Variants in TFB1M observed in about 807,000 individuals in gnomAD.
The protein encoded by TFB1M is transcription factor B1, mitochondrial.
In TFB1M, 27 loss-of-function variants were observed where a neutral mutation model predicts 31.1. The ratio of observed to expected loss-of-function variants is 0.87; its 90% CI spans 0.64 to 1.20. The LOEUF (loss-of-function observed/expected upper bound fraction) is 1.20. TFB1M is among the 50% of genes most tolerant of loss of function. The pLI is 0.00. For synonymous variants in TFB1M, 166 were observed against 151.8 expected, an observed-to-expected ratio of 1.09 and a Z score of -0.69; for missense variants, 394 against 418.7, an observed-to-expected ratio of 0.94 and a Z score of 0.51.
At chr6:155,259,501 A>G in intron 6 of TFB1M, among the ~76,000 whole-genome samples, 1 of 152,260 alleles carries the variant, frequency 6.6e-6, no homozygotes, top group East Asian at 1.9e-4. Flanking sequence ...CATATGCTAA[A>G]GGGACACTTC....
At position 155,256,239 on chromosome 6, in the gene TFB1M, T is replaced by G. The variant is rs1410397549; in HGVS notation, c.*1597A>C. 6 of 606,248 alleles carry G rather than the reference T, an allele frequency of 9.9e-6. No individual in the cohort carries two copies. Among genetic ancestry groups the G allele is most frequent in the South Asian group, 2.1e-5 (1 of 48,674 alleles). The allele number at this position is 606,248 out of a possible 1,614,324, so 37.6% of individuals were successfully genotyped here. A position where few individuals can be genotyped will look rare whatever the true frequency, so the allele number is the denominator to read the frequency against. On this transcript the variant is annotated 3_prime_UTR_variant, in exon 7 of 7. Transcript: ENST00000367166. ...TAGTAGTTTCTAGTGTCTAGTTCTATTTACATAATTGAGCTCTGGTAATCT... is the reference window on the plus strand; with the variant it reads ...TAGTAGTTTCTAGTGTCTAGTTCTAGTTACATAATTGAGCTCTGGTAATCT...
chr6:155,272,860 T>C (rs1784997240), intron 5 of TFB1M, among the ~76,000 whole-genome samples: 1 of 152,194 alleles, frequency 6.6e-6, no homozygotes, highest in South Asian at 2.1e-4. Context: ...GAACAAACTG[T>C]CTTCATGTCT....
Position 155,311,305 on chromosome 6 carries a change from A to G in TFB1M, c.168T>C (p.Asn56=), listed in dbSNP as rs1354525657. The G allele has an allele frequency of 2.5e-6, 4 of 1,613,940 alleles. No individual in the cohort carries two copies. Among genetic ancestry groups the G allele is most frequent in the Non-Finnish European group, 3.4e-6 (4 of 1,179,942 alleles). The change falls in exon 2 of 7, where the codon AAT becomes AAC. Residue 56 remains asparagine (N), a synonymous_variant. Coordinates refer to ENST00000367166, the MANE Select transcript of TFB1M (RefSeq NM_016020.4). Reference sequence around the variant, plus strand: ...CAGGGCCCACTTCGTAAACATAAGCATTTGTCAGATTGCCAGCTTTCCTTA... The same window carrying G: ...CAGGGCCCACTTCGTAAACATAAGCGTTTGTCAGATTGCCAGCTTTCCTTA... The part of the protein sequence containing the change: ...KIVRKAGNLT[N]AYVYEVGPGP...
chr6:155,301,888 T>TC (rs1276295921), intron 2 of TFB1M, among the ~76,000 whole-genome samples: 3 of 151,516 alleles, frequency 2.0e-5, no homozygotes, highest in Non-Finnish European at 4.4e-5. Flanking sequence ...CAAGAGATAA[T>TC]TTTTTTTTCC....
intron 5 of TFB1M, among the ~76,000 whole-genome samples, chr6:155,281,914 C>A (rs553053426): frequency 6.6e-6 from 1 of 151,714 alleles, no homozygotes; most frequent in Admixed American, 6.6e-5. Context: ...AAAGATTAAG[C>A]GTGGAACCCC....
At chr6:155,269,916 G>C (rs1784844926) in intron 5 of TFB1M, among the ~76,000 whole-genome samples, 1 of 152,224 alleles carries the variant, frequency 6.6e-6, no homozygotes, top group African/African-American at 2.4e-5. Context: ...TATGTGCCAG[G>C]CACTGATCCT....
downstream of TFB1M, chr6:155,254,708 C>T (rs966695310): frequency 1.3e-5 from 15 of 1,113,478 alleles, no homozygotes; most frequent in East Asian, 5.1e-5. Context: ...TTTAAGAAAC[C>T]TAAACATGCC....
chr6:155,278,115 T>C (rs1285028149), intron 5 of TFB1M, among the ~76,000 whole-genome samples: 1 of 152,192 alleles, frequency 6.6e-6, no homozygotes, highest in Non-Finnish European at 1.5e-5. Context: ...ATAAATGATG[T>C]GGAGTCTCTC....
At chr6:155,276,501 C>A in intron 5 of TFB1M, 3 of 886,242 alleles carry the variant, frequency 3.4e-6, no homozygotes, top group East Asian at 2.6e-5. Context: ...AATACTTTAA[C>A]AACTACAAAG....
chr6:155,295,272 A>C (rs1259854661), intron 4 of TFB1M, among the ~76,000 whole-genome samples: 1 of 152,030 alleles, frequency 6.6e-6, no homozygotes, highest in African/African-American at 2.4e-5. Context: ...AGGCTGAGGC[A>C]GGAGAATGGC....
chr6:155,250,397 AT>A, the TFB1M span: 1 of 578,674 alleles, frequency 1.7e-6, no homozygotes, highest in South Asian at 3.5e-5. Context: ...TTTTTATCTG[AT>A]TGCTTAATTT....
chr6:155,230,337 C>T, the TFB1M span, among the ~76,000 whole-genome samples: 1 of 152,212 alleles, frequency 6.6e-6, no homozygotes, highest in Non-Finnish European at 1.5e-5. Flanking sequence ...GCCTTCAATT[C>T]CTGACACACT....
the TFB1M span, chr6:155,244,922 C>T: frequency 1.8e-6 from 2 of 1,106,150 alleles, no homozygotes; most frequent in Non-Finnish European, 2.4e-6. Context: ...TTTCCTTGCA[C>T]CGTTTTCCTC....
In TFB1M at chr6:155,257,067, A is replaced by G. The variant is rs1784098163; in HGVS notation, c.*769T>C. ...GAGAATTCAGTGTCCAGAGTTTAAC[A>G]TCTGTTGTCAGTGAGGAGTGTTTTT... On this transcript the variant is annotated 3_prime_UTR_variant, in exon 7 of 7. Coordinates refer to ENST00000367166, the MANE Select transcript of TFB1M (RefSeq NM_016020.4). 1.2e-6 allele frequency: 2 copies of G among 1,614,100 alleles called. No individual in the cohort carries two copies. The highest frequency in any genetic ancestry group is 1.6e-4 in the Middle Eastern group (1 of 6,062).
At chr6:155,248,288 C>CTAAG in the TFB1M span, 1 of 1,288,504 alleles carries the variant, frequency 7.8e-7, no homozygotes, top group South Asian at 1.5e-5. Flanking sequence ...GTGGCACGTC[C>CTAAG]TAAGTCACTT....
At chr6:155,244,170 A>G in the TFB1M span, 3 of 1,237,012 alleles carry the variant, frequency 2.4e-6, no homozygotes, top group Admixed American at 3.5e-5. Context: ...ATCTCTGTTG[A>G]TCCCAAAAGA....
chr6:155,242,389 T>C, the TFB1M span, among the ~76,000 whole-genome samples: 2 of 152,262 alleles, frequency 1.3e-5, no homozygotes, highest in Admixed American at 6.5e-5. Context: ...CTTGAAATTT[T>C]TGACATCTAT....
At chr6:155,256,023 G>T (rs994425806), downstream of TFB1M, 1 of 198,242 alleles carries the variant, frequency 5.0e-6, no homozygotes, top group South Asian at 7.4e-5. Flanking sequence ...AAAAAAAGGG[G>T]GGGGGAGGGG....
chr6:155,275,210 A>G (rs879581968), intron 5 of TFB1M, among the ~76,000 whole-genome samples: 1 of 152,310 alleles, frequency 6.6e-6, no homozygotes, highest in Non-Finnish European at 1.5e-5. Flanking sequence ...TGGGTGACAG[A>G]GTGAGACTCC....
Sources: gnomAD v4.1 joint callset for allele counts (sites outside exome capture counted in the v4.1 genomes callset) on GRCh38, gnomAD v4.1.1 for gene constraint, MANE v1.5 for transcripts, NCBI Gene and HGNC (gene_info 2026-07-23, HGNC 2026-07-21) for gene names.